TCF7L2: variants seen among roughly 807,000 people sequenced by gnomAD.
The protein encoded by TCF7L2 is transcription factor 7-like 2.
TCF7L2 carries 23 observed loss-of-function variants against 77.9 expected under a neutral mutation model. The observed-to-expected ratio is 0.30, with a 90% CI of 0.21 to 0.42. TCF7L2 has a LOEUF of 0.42. Ranked by LOEUF, TCF7L2 falls within the 10% of genes least tolerant of loss-of-function variation. The probability of loss-of-function intolerance (pLI) is 1.00; values close to 1 mark genes in which losing one functional copy is unlikely to be tolerated. For synonymous variants in TCF7L2, 413 were observed against 340.2 expected (o/e 1.21, Z -2.36); for missense variants, 654 against 793.1 (o/e 0.82, Z 2.11).
intron 5 of TCF7L2, among the ~76,000 whole-genome samples, chr10:113,088,014 A>G (rs2060005943): frequency 6.6e-6 from 1 of 152,214 alleles, no homozygotes; most frequent in African/African-American, 2.4e-5. Flanking sequence ...AAAAACATAC[A>G]AGATGTTGGT....
intron 4 of TCF7L2, among the ~76,000 whole-genome samples, chr10:112,975,489 A>G (rs923870993): frequency 4.6e-5 from 7 of 151,966 alleles, no homozygotes; most frequent in Admixed American, 3.9e-4. Flanking sequence ...ATTTATTTTT[A>G]TTTTTATTTG....
chr10:113,152,555 C>A, intron 11 of TCF7L2, 115 bp downstream of exon 11: 1 of 803,784 alleles, frequency 1.2e-6, no homozygotes, highest in Non-Finnish European at 2.0e-6. Flanking sequence ...ACCATCCAAT[C>A]TGCCCGCTTT....
intron 5 of TCF7L2, among the ~76,000 whole-genome samples, chr10:113,111,633 A>G (rs947656258): frequency 1.1e-4 from 17 of 152,196 alleles, no homozygotes; most frequent in Admixed American, 9.2e-4. Flanking sequence ...TTCTACAGAA[A>G]ATGCAAAAAT....
chr10:112,989,974 C>T (rs895891287), intron 4 of TCF7L2, among the ~76,000 whole-genome samples: 2 of 152,112 alleles, frequency 1.3e-5, no homozygotes, highest in Admixed American at 6.5e-5. Context: ...TTTCATTGAG[C>T]GCTTCTGCGA....
chr10:113,089,336 G>T, intron 5 of TCF7L2: 10 of 1,555,514 alleles, frequency 6.4e-6, no homozygotes, highest in Non-Finnish European at 8.7e-6. Context: ...GGCTGTGTGT[G>T]CCTTGGTGAC....
chr10:113,068,368 G>A (rs2057524345), intron 5 of TCF7L2, among the ~76,000 whole-genome samples: 1 of 152,220 alleles, frequency 6.6e-6, no homozygotes, highest in Non-Finnish European at 1.5e-5. Context: ...TTTAGCCAGT[G>A]ATTGGCCCAT....
At chr10:113,077,799 A>C (rs2058860897) in intron 5 of TCF7L2, among the ~76,000 whole-genome samples, 1 of 149,238 alleles carries the variant, frequency 6.7e-6, no homozygotes, top group African/African-American at 2.5e-5. Flanking sequence ...TCCCAGGTTC[A>C]GGCGATTCAC....
At chr10:112,989,328 C>A (rs900790569) in intron 4 of TCF7L2, among the ~76,000 whole-genome samples, 20 of 151,506 alleles carry the variant, frequency 1.3e-4, no homozygotes, top group Admixed American at 9.9e-4. Flanking sequence ...TTAGCAACCC[C>A]CCTTTCCTGT....
intron 5 of TCF7L2, among the ~76,000 whole-genome samples, chr10:113,097,163 G>T (rs2061081889): frequency 6.6e-6 from 1 of 152,186 alleles, no homozygotes; most frequent in African/African-American, 2.4e-5. Context: ...TGCCTGCTAG[G>T]TTTGTGGCAA....
chr10:113,032,967 A>C (rs2050499345), intron 4 of TCF7L2, among the ~76,000 whole-genome samples: 1 of 152,206 alleles, frequency 6.6e-6, no homozygotes, highest in Non-Finnish European at 1.5e-5. Context: ...GAGATAGAAG[A>C]TAAGGCTATT....
chr10:112,963,092 A>G (rs1326021313), intron 3 of TCF7L2, among the ~76,000 whole-genome samples: 5 of 152,156 alleles, frequency 3.3e-5, no homozygotes, highest in Admixed American at 6.5e-5. Flanking sequence ...CTTACATTAT[A>G]TCTATATATA....
At chr10:113,000,013 G>A (rs769557179) in intron 4 of TCF7L2, among the ~76,000 whole-genome samples, 1 of 152,160 alleles carries the variant, frequency 6.6e-6, no homozygotes, top group African/African-American at 2.4e-5. Flanking sequence ...GATATTCTAC[G>A]GTTAAGTAAT....
intron 5 of TCF7L2, among the ~76,000 whole-genome samples, chr10:113,070,976 T>C (rs923245314): frequency 1.3e-5 from 2 of 152,180 alleles, no homozygotes; most frequent in Non-Finnish European, 2.9e-5. Flanking sequence ...CAACAACTAA[T>C]ATATTTTCTG....
At chr10:113,071,720 G>A (rs2058040764) in intron 5 of TCF7L2, among the ~76,000 whole-genome samples, 1 of 152,156 alleles carries the variant, frequency 6.6e-6, no homozygotes, top group African/African-American at 2.4e-5. Flanking sequence ...TGAGTTGGCT[G>A]CCCCTAGGCT....
chr10:112,968,716 C>T (rs2037566545), intron 4 of TCF7L2, among the ~76,000 whole-genome samples: 1 of 152,094 alleles, frequency 6.6e-6, no homozygotes, highest in African/African-American at 2.4e-5. Flanking sequence ...GTAGCTGGGA[C>T]TACGGGTACC....
intron 8 of TCF7L2, 90 bp from the exon 9 acceptor site, chr10:113,150,908 G>GTTTT: frequency 1.5e-6 from 2 of 1,307,874 alleles, no homozygotes; most frequent in Non-Finnish European, 2.1e-6. Context: ...GTTACGTGCT[G>GTTTT]TTTTTTTTTT....
intron 10 of TCF7L2, among the ~76,000 whole-genome samples, 153 bp from the exon 11 acceptor site, chr10:113,152,180 G>A (rs930265232): frequency 2.6e-5 from 4 of 152,142 alleles, no homozygotes; most frequent in Admixed American, 1.3e-4. Context: ...GGACCCAGCC[G>A]ACGGTCAGTA....
intron 5 of TCF7L2, among the ~76,000 whole-genome samples, chr10:113,055,580 A>G (rs1269843220): frequency 6.6e-6 from 1 of 151,960 alleles, no homozygotes; most frequent in Non-Finnish European, 1.5e-5. Flanking sequence ...TTTACCTTTT[A>G]TTTTAGAGAT....
chr10:112,959,061 C>T (rs1425179213), intron 3 of TCF7L2, among the ~76,000 whole-genome samples: 2 of 151,782 alleles, frequency 1.3e-5, no homozygotes, highest in African/African-American at 4.8e-5. Flanking sequence ...TTTTTTCCCC[C>T]AGACAGTTTA....
Sources: gnomAD v4.1 joint callset for allele counts (sites outside exome capture counted in the v4.1 genomes callset) on GRCh38, gnomAD v4.1.1 for gene constraint, MANE v1.5 for transcripts, NCBI Gene and HGNC (gene_info 2026-07-23, HGNC 2026-07-21) for gene names.